Variants in OOSP4B observed in about 807,000 individuals in gnomAD.
OOSP4B encodes oocyte secreted protein family member 4B.
intron 3 of OOSP4B, among the ~76,000 whole-genome samples, chr11:60,028,536 G>T (rs1009312572): frequency 6.6e-6 from 1 of 152,016 alleles, no homozygotes; most frequent in African/African-American, 2.4e-5. Flanking sequence ...TCATTTTCTG[G>T]TTATTAGACT....
At chr11:60,029,726 A>C in intron 3 of OOSP4B, 56 bp from the exon 4 acceptor site, 1 of 397,532 alleles carries the variant, frequency 2.5e-6, no homozygotes, top group Non-Finnish European at 4.4e-6. Flanking sequence ...TTTTTCCCAC[A>C]AAAAATCTGT....
intron 1 of OOSP4B, among the ~76,000 whole-genome samples, chr11:60,022,483 G>T (rs1854701694): frequency 6.6e-6 from 1 of 152,174 alleles, no homozygotes; most frequent in Non-Finnish European, 1.5e-5. Context: ...GTTCCATGTT[G>T]TACTTGCGTC....
intron 3 of OOSP4B, among the ~76,000 whole-genome samples, chr11:60,026,401 CTTGAA>C (rs1459986790): frequency 6.6e-6 from 1 of 152,150 alleles, no homozygotes; most frequent in Non-Finnish European, 1.5e-5. Context: ...TTCTTTCATC[CTTGAA>C]TTGCTCTGAC....
At position 60,020,832 on chromosome 11, in the gene OOSP4B, C is replaced by T. The variant is rs181663881; in HGVS notation, c.23-3048C>T. 2.6e-3 allele frequency among the ~76,000 whole-genome samples: 392 copies of T among 152,348 alleles called. 5 individuals are homozygous for T. Among genetic ancestry groups the T allele is most frequent in the South Asian group, 0.015 (72 of 4,830 alleles). ...GGCTGAGGCAGAAGAATCACTTGAA[C>T]CCAGGAGGTGGAGGTTGCAGTGAGC... On this transcript the variant is annotated intron_variant, in intron 1 of 4. Transcript: ENST00000642343.
At chr11:60,018,982 C>T (rs188107579) in intron 1 of OOSP4B, among the ~76,000 whole-genome samples, 6 of 152,064 alleles carry the variant, frequency 3.9e-5, no homozygotes, top group African/African-American at 9.6e-5. Flanking sequence ...TATGGGAAGC[C>T]GAGGCAGGCA....
exon 2 of OOSP4B, chr11:60,023,902 T>G: frequency 2.5e-6 from 1 of 398,562 alleles, no homozygotes; most frequent in Non-Finnish European, 4.4e-6. Context: ...TGTGCTCTGA[T>G]GATTGGTTGT....
rs557069644 is a variant in OOSP4B, at chr11:60,029,766, T to C, written c.303-16T>C. ...CTATTAATCCTGTGCTTTTCTTTTGTTTGCTCTGCATTTAGGCTTAAATTC... is the reference window on the plus strand; with the variant it reads ...CTATTAATCCTGTGCTTTTCTTTTGCTTGCTCTGCATTTAGGCTTAAATTC... On this transcript the variant is annotated splice_polypyrimidine_tract_variant and intron_variant, in intron 3 of 4. Transcript: ENST00000642343. 1.0e-5 allele frequency: 4 copies of C among 398,326 alleles called. No homozygotes were observed. The highest frequency in any genetic ancestry group is 3.6e-5 in the East Asian group (1 of 28,030). The allele number at this position is 398,326 out of a possible 1,614,324, so 24.7% of individuals were successfully genotyped here. A position where few individuals can be genotyped will look rare whatever the true frequency, so the allele number is the denominator to read the frequency against.
chr11:60,022,313 A>T (rs2134624442), intron 1 of OOSP4B: 1 of 152,312 alleles, frequency 6.6e-6, no homozygotes, highest in African/African-American at 2.4e-5. Flanking sequence ...TGCTGCTATG[A>T]GGTAAGTGGA....
rs561982658 is a variant in OOSP4B, at chr11:60,023,839, A to G, written c.23-41A>G. 3.3e-5 allele frequency: 13 copies of G among 398,486 alleles called. No individual in the cohort carries two copies. In the South Asian group the frequency reaches 1.7e-3, roughly 51 times the overall value. 24.7% of individuals were successfully genotyped at this position (398,486 alleles called of 1,614,324 possible). On this transcript the variant is annotated intron_variant, in intron 1 of 4. Transcript: ENST00000642343. Reference sequence around the variant, plus strand: ...CTGATAGTGTAATGTCTTGGGAGGAAGTATACTACCATATTACTTTTTGGA... The same window carrying G: ...CTGATAGTGTAATGTCTTGGGAGGAGGTATACTACCATATTACTTTTTGGA...
rs1278809934 is a variant in OOSP4B, at chr11:60,023,913, TAGTC to T, written c.59_62del (p.Val20GlufsTer2). On this transcript the variant is annotated frameshift_variant, in exon 2 of 5. Transcript: ENST00000642343. LOFTEE classifies it high-confidence loss of function. ...GCAATGTGCTCTGATGATTGGTTGT[TAGTC>T]AGAATGAAAATAAGGCCTTTTGATA... 7.5e-6 allele frequency: 3 copies of T among 398,466 alleles called. No homozygotes were observed. The highest frequency in any genetic ancestry group is 1.3e-5 in the Non-Finnish European group (3 of 226,056). 24.7% of individuals were successfully genotyped at this position (398,466 alleles called of 1,614,324 possible). A position where few individuals can be genotyped will look rare whatever the true frequency, so the allele number is the denominator to read the frequency against.
intron 1 of OOSP4B, among the ~76,000 whole-genome samples, chr11:60,020,491 G>A (rs1854679037): frequency 6.6e-6 from 1 of 152,216 alleles, no homozygotes; most frequent in African/African-American, 2.4e-5. Context: ...GGTGGGGGCG[G>A]GGGCCAGCCG....
chr11:60,023,776 G>C, intron 1 of OOSP4B, 104 bp from the exon 2 acceptor site: 1 of 396,090 alleles, frequency 2.5e-6, no homozygotes, highest in Non-Finnish European at 4.4e-6. Context: ...GAGACTGAAC[G>C]CTACCCATGT....
intron 1 of OOSP4B, 66 bp from the exon 2 acceptor site, chr11:60,023,814 C>T (rs1854718448): frequency 2.5e-6 from 1 of 397,892 alleles, no homozygotes; most frequent in African/African-American, 2.1e-5. Context: ...TCTGTCAGCA[C>T]TGATAGTGTA....
chr11:60,020,678 G>A (rs879392679), intron 1 of OOSP4B, among the ~76,000 whole-genome samples: 6 of 152,254 alleles, frequency 3.9e-5, no homozygotes, highest in African/African-American at 7.2e-5. Flanking sequence ...GTGCAGCGGC[G>A]GGCTAAAGGG....
intron 1 of OOSP4B, 136 bp downstream of exon 1, chr11:60,017,549 G>T: frequency 2.5e-6 from 1 of 394,336 alleles, no homozygotes; most frequent in Non-Finnish European, 4.5e-6. Flanking sequence ...AAAAAGCTGA[G>T]ATTTTTTTTT....
chr11:60,029,987 C>T, intron 4 of OOSP4B, 58 bp downstream of exon 4: 1 of 397,168 alleles, frequency 2.5e-6, no homozygotes, highest in Non-Finnish European at 4.4e-6. Flanking sequence ...AATATAACTT[C>T]AAGGAAGGCA....
At position 60,027,655 on chromosome 11, in the gene OOSP4B, T is replaced by TAAAAAAAAAAAAAAAAAAAAAAAA. The variant is rs61649958; in HGVS notation, c.303-2125_303-2102dup. On this transcript the variant is annotated intron_variant, in intron 3 of 4. Coordinates refer to ENST00000642343, the Ensembl canonical transcript of OOSP4B. ...TCTAAGCAGGTAAAGGCTATGATATTAAAAAAAAAAAAAAAAAAAAAAAAA... is the reference window on the plus strand; with the variant it reads ...TCTAAGCAGGTAAAGGCTATGATATTAAAAAAAAAAAAAAAAAAAAAAAAAAAAAAAAAAAAAAAAAAAAAAAAA... Among the ~76,000 whole-genome samples, 38 of 62,234 alleles carry TAAAAAAAAAAAAAAAAAAAAAAAA rather than the reference T, an allele frequency of 6.1e-4. 6 individuals carry two copies. The highest frequency in any genetic ancestry group is 9.4e-4 in the Non-Finnish European group (28 of 29,862). The allele number at this position is 62,234 out of a possible 152,430, so 40.8% of individuals were successfully genotyped here.
In OOSP4B at chr11:60,029,255, G is replaced by C. The variant is rs911305846; in HGVS notation, c.303-527G>C. Among the ~76,000 whole-genome samples, 3 of 152,202 alleles carry C rather than the reference G, an allele frequency of 2.0e-5. No homozygotes were observed. The East Asian group carries it at 5.8e-4, about 29-fold the overall frequency. On this transcript the variant is annotated intron_variant, in intron 3 of 4. Coordinates refer to ENST00000642343, the Ensembl canonical transcript of OOSP4B. ...TTTTTCTTACATGCAGGGAAGGAAA[G>C]AGCAGCAGTGGGAATAAACACTACA...
At position 60,022,743 on chromosome 11, in the gene OOSP4B, G is replaced by GT. The variant is rs796452763; in HGVS notation, c.23-1125dup. Among the ~76,000 whole-genome samples, 704 of 146,262 alleles carry GT rather than the reference G, an allele frequency of 4.8e-3. 3 individuals are homozygous for GT. The highest frequency in any genetic ancestry group is 0.014 in the African/African-American group (580 of 40,140). On this transcript the variant is annotated intron_variant, in intron 1 of 4. Transcript: ENST00000642343. ...ATGGGGATAAAGAGATGAAGATGTG[G>GT]TTTTTTTTTTTTCCCCTAGGGGTGG...
Sources: gnomAD v4.1 joint callset for allele counts (sites outside exome capture counted in the v4.1 genomes callset) on GRCh38, gnomAD v4.1.1 for gene constraint, MANE v1.5 for transcripts, NCBI Gene and HGNC (gene_info 2026-07-23, HGNC 2026-07-21) for gene names.